ASTN1: variants seen among roughly 807,000 people sequenced by gnomAD.
ASTN1 encodes astrotactin-1.
ASTN1 carries 41 observed loss-of-function variants against 140.7 expected under a neutral mutation model. The observed-to-expected ratio is 0.29, with a 90% confidence interval of 0.23 to 0.38. The LOEUF is 0.38. Among genes scored for constraint, ASTN1 ranks in the 10% least tolerant of loss-of-function variants. ASTN1 has a pLI of 1.00. For missense variants in ASTN1, 1,479 were observed against 1,678.8 expected, an observed-to-expected ratio of 0.88 and a Z score of 2.08; for synonymous variants, 640 against 652.2, an observed-to-expected ratio of 0.98 and a Z score of 0.29.
At position 177,122,577 on chromosome 1, in the gene ASTN1, T is replaced by G. The variant is rs227515; in HGVS notation, c.283+41817A>C. ...GCCTCACCACTCCAGGATACTACACTCAGCTCAGACTCCTGCTCACAAGAC... is the reference window on the plus strand; with the variant it reads ...GCCTCACCACTCCAGGATACTACACGCAGCTCAGACTCCTGCTCACAAGAC... On this transcript the variant is annotated intron_variant, in intron 1 of 22. Coordinates refer to ENST00000361833, the MANE Select transcript of ASTN1 (RefSeq NM_004319.3). Among the ~76,000 whole-genome samples the G allele has an allele frequency of 8.2e-3, 1,246 of 152,234 alleles. 27 individuals are homozygous for G. Among genetic ancestry groups the G allele is most frequent in the African/African-American group, 0.029 (1,188 of 41,536 alleles).
chr1:176,879,536 G>A (rs1668702764), intron 20 of ASTN1, among the ~76,000 whole-genome samples: 1 of 152,108 alleles, frequency 6.6e-6, no homozygotes, highest in Non-Finnish European at 1.5e-5. Flanking sequence ...GTTGTCAGAT[G>A]GACCCCTTCT....
intron 2 of ASTN1, among the ~76,000 whole-genome samples, chr1:177,055,698 C>A (rs1185165048): frequency 6.6e-6 from 1 of 152,174 alleles, no homozygotes; most frequent in Non-Finnish European, 1.5e-5. Flanking sequence ...TCTGTCCTTT[C>A]TGGTAACATA....
chr1:177,164,636 C>G lies in ASTN1; in HGVS notation c.41G>C (p.Trp14Ser). 1 of 1,606,176 alleles carries G rather than the reference C, an allele frequency of 6.2e-7. No homozygotes were observed. The highest frequency in any genetic ancestry group is 1.1e-5 in the South Asian group (1 of 90,140). Residue 14 changes from tryptophan to serine, a missense_variant, in exon 1 of 23, where the codon TGG becomes TCG. Physicochemically the swap from Trp to Ser is radical, Grantham distance 177 (BLOSUM62 -3). Transcript: ENST00000361833. ...CGTGGCCAGCACCGCCGCCGGCCCC[C>G]AGCAGCAGGCGAGCAGGGCGCAGAG... is the stretch of plus-strand genomic sequence containing the variant. Reference protein sequence around the residue: ...AGLCALLACCWGPAAVLATAA... With the variant: ...AGLCALLACCSGPAAVLATAA...
chr1:177,085,746 C>T (rs898183217), intron 1 of ASTN1, among the ~76,000 whole-genome samples: 5 of 152,170 alleles, frequency 3.3e-5, no homozygotes, highest in Non-Finnish European at 7.3e-5. Flanking sequence ...ACAGAGGAAG[C>T]ATGCGTACAT....
chr1:176,910,721 C>T (rs1379202957), intron 16 of ASTN1, among the ~76,000 whole-genome samples: 1 of 152,216 alleles, frequency 6.6e-6, no homozygotes. Context: ...TCCCCAACCC[C>T]CAGGCCATGA....
chr1:177,139,990 C>A (rs1682388506), intron 1 of ASTN1, among the ~76,000 whole-genome samples: 1 of 152,148 alleles, frequency 6.6e-6, no homozygotes, highest in South Asian at 2.1e-4. Context: ...TAGGCCAAAG[C>A]TCACTAATCA....
At chr1:176,976,571 G>T (rs1257098682) in intron 8 of ASTN1, 1 of 152,248 alleles carries the variant, frequency 6.6e-6, no homozygotes, top group Non-Finnish European at 1.5e-5. Flanking sequence ...TCAAGTCCAA[G>T]TTCTGGATTC....
Position 176,949,446 on chromosome 1 carries a change from T to G in ASTN1, c.1888-95A>C, listed in dbSNP as rs1571554770. 5.2e-6 allele frequency: 7 copies of G among 1,341,976 alleles called. No individual in the cohort carries two copies. The East Asian group carries it at 1.7e-4, about 34-fold the overall frequency. The allele number at this position is 1,341,976 out of a possible 1,614,324, so 83.1% of individuals were successfully genotyped here. Reference sequence around the variant, plus strand: ...AACCACTGACACCAATTTGTAGCACTCAGCCTTGAAACTATTAACATTCGC... The same window carrying G: ...AACCACTGACACCAATTTGTAGCACGCAGCCTTGAAACTATTAACATTCGC... On this transcript the variant is annotated intron_variant, in intron 11 of 22. Coordinates refer to ENST00000361833, the MANE Select transcript of ASTN1 (RefSeq NM_004319.3).
chr1:176,990,537 AAG>A (rs969339052), intron 8 of ASTN1, among the ~76,000 whole-genome samples: 2 of 152,030 alleles, frequency 1.3e-5, no homozygotes, highest in African/African-American at 2.4e-5. Flanking sequence ...AAAAGGAAGT[AAG>A]AGGGGGAAAA....
intron 8 of ASTN1, among the ~76,000 whole-genome samples, chr1:176,970,907 A>G (rs962741169): frequency 1.3e-5 from 2 of 152,154 alleles, no homozygotes; most frequent in Non-Finnish European, 2.9e-5. Flanking sequence ...ACATTTTACA[A>G]ATGGAAATAT....
In ASTN1 at chr1:176,862,209, G is replaced by A; in HGVS notation, c.*2075C>T. The A allele has an allele frequency of 1.0e-6, 1 of 985,406 alleles. No homozygotes were observed. The highest frequency in any genetic ancestry group is 1.2e-6 in the Non-Finnish European group (1 of 829,942). 61.0% of individuals were successfully genotyped at this position (985,406 alleles called of 1,614,324 possible). On this transcript the variant is annotated 3_prime_UTR_variant, in exon 23 of 23. Coordinates refer to ENST00000361833, the MANE Select transcript of ASTN1 (RefSeq NM_004319.3). Reference sequence around the variant, plus strand: ...ACAGCCAATTTTTCTGCTGATCTTTGCTTTGAAAGTAGGGGAATCTCTGAG... The same window carrying A: ...ACAGCCAATTTTTCTGCTGATCTTTACTTTGAAAGTAGGGGAATCTCTGAG...
chr1:177,025,458 A>T (rs1676059133), intron 5 of ASTN1, among the ~76,000 whole-genome samples: 1 of 150,780 alleles, frequency 6.6e-6, no homozygotes, highest in Non-Finnish European at 1.5e-5. Flanking sequence ...TTTTTTTTTA[A>T]TTTTTTGTTT....
chr1:177,070,442 CT>C (rs1678582046), intron 1 of ASTN1, among the ~76,000 whole-genome samples: 1 of 152,208 alleles, frequency 6.6e-6, no homozygotes, highest in Non-Finnish European at 1.5e-5. Context: ...TTGAAAATGA[CT>C]AAATATCACC....
intron 17 of ASTN1, 72 bp downstream of exon 17, chr1:176,894,490 T>C (rs1669406961): frequency 1.3e-6 from 2 of 1,550,866 alleles, no homozygotes; most frequent in Non-Finnish European, 1.7e-6. Context: ...ACCCTGTCAC[T>C]TCCTCACACC....
rs775572710 is a variant in ASTN1 at position 176,884,494 on chromosome 1, T to C, written c.3075-4A>G. On this transcript the variant is annotated splice_polypyrimidine_tract_variant and splice_region_variant and intron_variant, in intron 18 of 22. Transcript: ENST00000361833. ...GTGAACCGTGGAGAGTCTCAGCCTG[T>C]GTGCAGACAGGAAGGAACATGAAAC... is the stretch of plus-strand genomic sequence containing the variant. 6.2e-7 allele frequency: 1 copy of C among 1,601,200 alleles called. No individual in the cohort carries two copies. Among genetic ancestry groups the C allele is most frequent in the Admixed American group, 1.7e-5 (1 of 59,844 alleles).
At chr1:177,035,536 T>C (rs1676672309) in intron 2 of ASTN1, among the ~76,000 whole-genome samples, 1 of 152,222 alleles carries the variant, frequency 6.6e-6, no homozygotes, top group Non-Finnish European at 1.5e-5. Context: ...GATTAGTTGG[T>C]AGTAAAAAGA....
At chr1:177,141,449 A>T (rs1229998196) in intron 1 of ASTN1, among the ~76,000 whole-genome samples, 1 of 145,912 alleles carries the variant, frequency 6.9e-6, no homozygotes, top group Non-Finnish European at 1.5e-5. Flanking sequence ...AGAGAAACAG[A>T]TCTGATTGAT....
chr1:176,955,887 AAC>A (rs1450846973), intron 11 of ASTN1, among the ~76,000 whole-genome samples: 1 of 152,230 alleles, frequency 6.6e-6, no homozygotes, highest in African/African-American at 2.4e-5. Flanking sequence ...TGCACATATG[AAC>A]ACACAGTGTT....
chr1:177,144,634 C>A (rs1682640604), intron 1 of ASTN1, among the ~76,000 whole-genome samples: 1 of 148,896 alleles, frequency 6.7e-6, no homozygotes, highest in African/African-American at 2.5e-5. Flanking sequence ...GTAATCTGGT[C>A]TAATTTAGAG....
Sources: allele counts gnomAD v4.1 joint callset (sites outside exome capture counted in the v4.1 genomes callset), GRCh38; gene constraint gnomAD v4.1.1; transcripts MANE v1.5; gene names NCBI Gene and HGNC (gene_info 2026-07-23, HGNC 2026-07-21).